Variants in PPP1R9B observed in about 807,000 individuals in gnomAD.
PPP1R9B encodes neurabin-2.
PPP1R9B carries 17 observed loss-of-function variants against 75.8 expected under a neutral mutation model. The ratio of observed to expected loss-of-function variants is 0.22; its 90% CI spans 0.15 to 0.34. PPP1R9B has a LOEUF of 0.34. Among genes scored for constraint, PPP1R9B ranks in the 10% least tolerant of loss-of-function variants. The pLI is 1.00. For missense variants in PPP1R9B, 875 were observed against 1,196.0 expected (o/e 0.73, Z 3.96); for synonymous variants, 509 against 535.4 (o/e 0.95, Z 0.68).
rs574611664 is a variant in PPP1R9B, at chr17:50,140,021, G to C, written c.1866+72C>G. 37 of 1,536,096 alleles carry C rather than the reference G, an allele frequency of 2.4e-5. No individual in the cohort carries two copies. The East Asian group carries it at 8.2e-4, about 34-fold the overall frequency. On this transcript the variant is annotated intron_variant, in intron 5 of 9. Coordinates refer to ENST00000612501, the MANE Select transcript of PPP1R9B (RefSeq NM_032595.5). ...TTACTAGGGCAGGGGAAGCAGTAGA[G>C]GCAGATGACTGTAATGCTTCATCTA...
intron 1 of PPP1R9B, among the ~76,000 whole-genome samples, 178 bp downstream of exon 1, chr17:50,148,963 CCT>C (rs1232119459): frequency 2.0e-5 from 3 of 151,916 alleles, no homozygotes; most frequent in African/African-American, 7.3e-5. Flanking sequence ...CCTGAAAATC[CCT>C]CTCTGACAAA....
intron 7 of PPP1R9B, 111 bp from the exon 8 acceptor site, chr17:50,136,308 TC>T: frequency 1.2e-6 from 1 of 833,464 alleles, no homozygotes; most frequent in Non-Finnish European, 1.8e-6. Context: ...CGTTGTGGAG[TC>T]CATTGCACCC....
At chr17:50,148,038 G>A (rs904385461) in intron 1 of PPP1R9B, among the ~76,000 whole-genome samples, 5 of 152,292 alleles carry the variant, frequency 3.3e-5, no homozygotes, top group Admixed American at 2.6e-4. Context: ...ACCTGGGGCC[G>A]GGTGCAGCTG....
At chr17:50,143,923 C>T (rs1912451296) in intron 2 of PPP1R9B, among the ~76,000 whole-genome samples, 1 of 152,232 alleles carries the variant, frequency 6.6e-6, no homozygotes, top group South Asian at 2.1e-4. Flanking sequence ...CCCTTTGTCC[C>T]TTCCAAAGAA....
Position 50,135,957 on chromosome 17 carries a change from C to A in PPP1R9B, c.2303+11G>T, listed in dbSNP as rs969000659. 2 of 1,540,598 alleles carry A rather than the reference C, an allele frequency of 1.3e-6. No homozygotes were observed. Among genetic ancestry groups the A allele is most frequent in the Non-Finnish European group, 1.8e-6 (2 of 1,136,380 alleles). On this transcript the variant is annotated intron_variant, in intron 8 of 9. Transcript: ENST00000612501. ...CCCTGGGCCCAGCCCGCCCAGCCCC[C>A]AGCCACGTACTTCTGCTGGTAGTCC...
chr17:50,141,619 C>T (rs532658839), intron 3 of PPP1R9B, among the ~76,000 whole-genome samples: 1 of 149,964 alleles, frequency 6.7e-6, no homozygotes, highest in East Asian at 2.0e-4. Flanking sequence ...GCTGTGTTTG[C>T]GCCACTGCAC....
At chr17:50,145,825 C>T (rs563638853) in intron 1 of PPP1R9B, among the ~76,000 whole-genome samples, 2 of 152,114 alleles carry the variant, frequency 1.3e-5, no homozygotes, top group African/African-American at 2.4e-5. Context: ...ACTTGCCGCT[C>T]AAGTGGATGT....
Position 50,150,235 on chromosome 17 carries a change from C to G in PPP1R9B, c.279G>C (p.Leu93=). ...APRASERGVR[L]SLPRASSLNE... is the part of the protein sequence containing the mutation. ...TCAGGCTGCTGGCCCGCGGCAGCGA[C>G]AGGCGCACGCCGCGCTCGGACGCCC... The change falls in exon 1 of 10, where the codon CTG becomes CTC. Residue 93 remains leucine, a synonymous_variant. Coordinates refer to ENST00000612501, the MANE Select transcript of PPP1R9B (RefSeq NM_032595.5). This position sits in a 1 kb window ranked among gnomAD's most constrained non-coding sequence, Gnocchi z 8.7. 6.9e-7 allele frequency: 1 copy of G among 1,440,528 alleles called. No homozygotes were observed. The highest frequency in any genetic ancestry group is 9.2e-7 in the Non-Finnish European group (1 of 1,090,434). The allele number at this position is 1,440,528 out of a possible 1,614,324, so 89.2% of individuals were successfully genotyped here.
intron 4 of PPP1R9B, 78 bp from the exon 5 acceptor site, chr17:50,140,306 C>G: frequency 6.6e-7 from 1 of 1,513,208 alleles, no homozygotes; most frequent in Non-Finnish European, 8.9e-7. Context: ...ATGCTCCCCT[C>G]TCCAAACTCA....
At position 50,149,418 on chromosome 17, in the gene PPP1R9B, C is replaced by T. The variant is rs753680798; in HGVS notation, c.1096G>A (p.Val366Met). Residue 366 changes from valine (V) to methionine (M), a missense_variant, in exon 1 of 10, where the codon GTG becomes ATG. By Grantham distance (21) the Val-to-Met change is conservative. This residue lies in a region of PPP1R9B where 449 missense variants were observed against 475.0 expected (regional missense o/e 0.95). Coordinates refer to ENST00000612501, the MANE Select transcript of PPP1R9B (RefSeq NM_032595.5). The surrounding 1 kb of genome is among the most constrained non-coding windows in gnomAD (Gnocchi z 7.2). ...ACGTCCGGGGCCCGGCCATTGCCCA[C>T]CCCCCTCTCTGGCGGCGCTACCGCC... ...AAAVAPPERG[V>M]GNGRAPDVAP... 2.5e-6 allele frequency: 4 copies of T among 1,610,582 alleles called. No individual in the cohort carries two copies. The highest frequency in any genetic ancestry group is 1.1e-5 in the South Asian group (1 of 90,928).
At chr17:50,135,678 G>T in intron 8 of PPP1R9B, 29 bp from the exon 9 acceptor site, 2 of 1,560,272 alleles carry the variant, frequency 1.3e-6, no homozygotes, top group Non-Finnish European at 1.7e-6. Flanking sequence ...CAGATGGCAG[G>T]TAAGGGTGTG....
In PPP1R9B at chr17:50,142,967, GCACT is replaced by G; in HGVS notation, c.1625+627_1625+630del. Among the ~76,000 whole-genome samples, 1 of 151,944 alleles carries G rather than the reference GCACT, an allele frequency of 6.6e-6. No homozygotes were observed. The highest frequency in any genetic ancestry group is 2.1e-4 in the South Asian group (1 of 4,826). ...CATGGCGCCACTGCCTGGAACCTCTGCACTCACTCCCTCAGCACAGCTAACTCCT... is the reference window on the plus strand; with the variant it reads ...CATGGCGCCACTGCCTGGAACCTCTGCACTCCCTCAGCACAGCTAACTCCT... On this transcript the variant is annotated intron_variant, in intron 3 of 9. Transcript: ENST00000612501. This position sits in a 1 kb window ranked among gnomAD's most constrained non-coding sequence, Gnocchi z 4.1.
intron 5 of PPP1R9B, 49 bp downstream of exon 5, chr17:50,140,044 C>G (rs2144444818): frequency 1.3e-6 from 2 of 1,599,428 alleles, no homozygotes; most frequent in Non-Finnish European, 1.7e-6. Flanking sequence ...AATGCTTCAT[C>G]TAGCCACCAG....
intron 1 of PPP1R9B, among the ~76,000 whole-genome samples, chr17:50,146,848 G>A (rs1396310516): frequency 2.0e-5 from 3 of 152,206 alleles, no homozygotes; most frequent in African/African-American, 7.2e-5. Flanking sequence ...TGGGTCACCG[G>A]TGACTTGGTT....
intron 3 of PPP1R9B, among the ~76,000 whole-genome samples, chr17:50,143,181 G>A (rs950816749): frequency 3.9e-5 from 6 of 152,174 alleles, no homozygotes; most frequent in Middle Eastern, 3.4e-3. Context: ...TCTCAAGTGC[G>A]CCAGGCCCTC....
chr17:50,137,673 G>C (rs1469582316), intron 7 of PPP1R9B, among the ~76,000 whole-genome samples: 1 of 152,084 alleles, frequency 6.6e-6, no homozygotes, highest in East Asian at 1.9e-4. Context: ...GTAGGCAGTG[G>C]CTTTCCGAAA....
chr17:50,149,107 G>GGGC lies in PPP1R9B; in HGVS notation c.1371+33_1371+35dup. 7.3e-7 allele frequency: 1 copy of GGGC among 1,375,356 alleles called. No individual in the cohort carries two copies. The highest frequency in any genetic ancestry group is 9.4e-7 in the Non-Finnish European group (1 of 1,059,582). The allele number at this position is 1,375,356 out of a possible 1,614,324, so 85.2% of individuals were successfully genotyped here. On this transcript the variant is annotated intron_variant, in intron 1 of 9. Coordinates refer to ENST00000612501, the MANE Select transcript of PPP1R9B (RefSeq NM_032595.5). The surrounding 1 kb of genome is among the most constrained non-coding windows in gnomAD (Gnocchi z 7.2). Reference sequence around the variant, plus strand: ...GGGGGCGGCCGCGTGCACGTGGCAGGGGCGGCGCGGGGGCAGGGCGGGGGG... The same window carrying GGGC: ...GGGGGCGGCCGCGTGCACGTGGCAGGGGCGGCGGCGCGGGGGCAGGGCGGGGGG...
chr17:50,150,158 TC>T lies in PPP1R9B; in HGVS notation c.355del (p.Glu119SerfsTer3). ...CTTGGAGTCGAAGCGGCTCACGCGCTCCGACACGCTGGTGCCCAGCTTCAGC... is the reference window on the plus strand; with the variant it reads ...CTTGGAGTCGAAGCGGCTCACGCGCTCGACACGCTGGTGCCCAGCTTCAGC... ...ALLKLGTSVSERVSRFDSKPA... is the reference protein window; with the variant it reads ...ALLKLGTSVSXRVSRFDSKPA... On this transcript the variant is annotated frameshift_variant, in exon 1 of 10. Transcript: ENST00000612501. LOFTEE classifies it high-confidence loss of function. The surrounding 1 kb of genome is among the most constrained non-coding windows in gnomAD (Gnocchi z 8.7). The T allele has an allele frequency of 6.9e-7, 1 of 1,447,724 alleles. No homozygotes were observed. The highest frequency in any genetic ancestry group is 1.3e-5 in the South Asian group (1 of 74,576). The allele number at this position is 1,447,724 out of a possible 1,614,324, so 89.7% of individuals were successfully genotyped here. A position where few individuals can be genotyped will look rare whatever the true frequency, so the allele number is the denominator to read the frequency against.
At chr17:50,135,909 G>T in intron 8 of PPP1R9B, 59 bp downstream of exon 8, 1 of 1,315,908 alleles carries the variant, frequency 7.6e-7, no homozygotes, top group Non-Finnish European at 1.0e-6. Flanking sequence ...GGGAGGGACT[G>T]TCCCCAAAAG....
Sources: allele counts gnomAD v4.1 joint callset (sites outside exome capture counted in the v4.1 genomes callset), GRCh38; gene constraint gnomAD v4.1.1; regional missense constraint gnomAD v4.1.1; non-coding constraint Gnocchi (gnomAD v3.1); transcripts MANE v1.5; gene names NCBI Gene and HGNC (gene_info 2026-07-23, HGNC 2026-07-21).